The following FOCAD variants were observed in gnomAD, a reference collection of about 807,000 sequenced individuals.
FOCAD encodes the protein KIAA1797.
In FOCAD, 198 loss-of-function variants were observed where a neutral mutation model predicts 225.6. The observed-to-expected ratio is 0.88, with a 90% confidence interval of 0.78 to 0.99. The LOEUF (loss-of-function observed/expected upper bound fraction) is 0.99. Ranked by LOEUF, FOCAD falls within the 50% of genes least tolerant of loss-of-function variation. The probability of loss-of-function intolerance (pLI) is 0.00; values close to 1 mark genes in which losing one functional copy is unlikely to be tolerated. For missense variants in FOCAD, 2,713 were observed against 2,123.6 expected (o/e 1.28, Z -5.46); for synonymous variants, 897 against 755.0 (o/e 1.19, Z -3.08).
At chr9:20,670,286 A>C (rs938979141) in intron 2 of FOCAD, among the ~76,000 whole-genome samples, 1 of 152,250 alleles carries the variant, frequency 6.6e-6, no homozygotes, top group African/African-American at 2.4e-5. Flanking sequence ...CCTAATGATC[A>C]ATAAATCCTC....
intron 25 of FOCAD, among the ~76,000 whole-genome samples, chr9:20,925,239 G>A (rs1393997128): frequency 6.6e-6 from 1 of 152,132 alleles, no homozygotes; most frequent in Non-Finnish European, 1.5e-5. Flanking sequence ...TTTTAGCAGA[G>A]GCAACATGCT....
chr9:20,746,780 C>T (rs577533691), intron 5 of FOCAD, among the ~76,000 whole-genome samples: 3 of 152,048 alleles, frequency 2.0e-5, no homozygotes, highest in Non-Finnish European at 4.4e-5. Context: ...TGCCTTTTGC[C>T]GCCTTACTTT....
chr9:20,983,464 C>T (rs879920525), intron 39 of FOCAD, among the ~76,000 whole-genome samples: 2 of 150,136 alleles, frequency 1.3e-5, no homozygotes, highest in African/African-American at 2.5e-5. Flanking sequence ...CCCAGCTACT[C>T]GGGAGGCTGA....
At chr9:20,891,822 C>A (rs1442510636) in intron 21 of FOCAD, among the ~76,000 whole-genome samples, 2 of 152,200 alleles carry the variant, frequency 1.3e-5, no homozygotes, top group African/African-American at 4.8e-5. Flanking sequence ...CTAACCAACA[C>A]ATTTTCAATG....
intron 5 of FOCAD, among the ~76,000 whole-genome samples, chr9:20,757,462 G>C (rs911233644): frequency 6.6e-6 from 1 of 151,794 alleles, no homozygotes; most frequent in Non-Finnish European, 1.5e-5. Flanking sequence ...GTCTCTTTAG[G>C]TATCTTAATA....
chr9:20,795,800 A>AAC (rs1821022411), intron 11 of FOCAD, among the ~76,000 whole-genome samples: 1 of 151,110 alleles, frequency 6.6e-6, no homozygotes, highest in Non-Finnish European at 1.5e-5. Context: ...AAAAAAAAAA[A>AAC]AAAAAAAGAC....
At chr9:20,914,919 T>C (rs552680450) in intron 23 of FOCAD, among the ~76,000 whole-genome samples, 2 of 152,318 alleles carry the variant, frequency 1.3e-5, no homozygotes, top group East Asian at 1.9e-4. Flanking sequence ...TAAATTGATT[T>C]TGAATCTATT....
chr9:20,671,917 G>A (rs543285612), intron 2 of FOCAD, among the ~76,000 whole-genome samples: 1 of 151,976 alleles, frequency 6.6e-6, no homozygotes, highest in African/African-American at 2.4e-5. Flanking sequence ...AGGGACATCA[G>A]GTTCATAGTT....
chr9:20,873,729 A>G (rs1227233832), intron 18 of FOCAD: 1 of 152,144 alleles, frequency 6.6e-6, no homozygotes, highest in Non-Finnish European at 1.5e-5. Flanking sequence ...CCCCCCTGCA[A>G]GAATCCTGAG....
At position 20,980,801 on chromosome 9, in the gene FOCAD, A is replaced by ATT. The variant is rs1430411544; in HGVS notation, c.4378-621_4378-620dup. On this transcript the variant is annotated intron_variant, in intron 37 of 43. Transcript: ENST00000338382. ...TAGTAGCATGTTTATGTTCCTAAGA[A>ATT]TTTTTGAAGCCCACTTGGTTGAAGT... Among the ~76,000 whole-genome samples, 4 of 152,154 alleles carry ATT rather than the reference A, an allele frequency of 2.6e-5. No homozygotes were observed. In the East Asian group the frequency reaches 5.8e-4, roughly 22 times the overall value.
intron 11 of FOCAD, among the ~76,000 whole-genome samples, chr9:20,805,669 T>A (rs1461728896): frequency 6.6e-6 from 1 of 152,192 alleles, no homozygotes; most frequent in Non-Finnish European, 1.5e-5. Context: ...AATAAGCATA[T>A]AAATTCTGTT....
At chr9:20,680,093 A>T (rs1587202767), upstream of FOCAD, among the ~76,000 whole-genome samples, 1 of 152,242 alleles carries the variant, frequency 6.6e-6, no homozygotes, top group Non-Finnish European at 1.5e-5. Flanking sequence ...AATTGTAGCT[A>T]CATTCCTTCA....
At chr9:20,667,965 T>C (rs1821943758) in intron 2 of FOCAD, among the ~76,000 whole-genome samples, 1 of 152,124 alleles carries the variant, frequency 6.6e-6, no homozygotes, top group African/African-American at 2.4e-5. Context: ...CTAGAAAAGG[T>C]TTAAGCGTGT....
At chr9:20,936,914 A>G (rs1252585068) in intron 28 of FOCAD, among the ~76,000 whole-genome samples, 1 of 152,222 alleles carries the variant, frequency 6.6e-6, no homozygotes, top group Non-Finnish European at 1.5e-5. Flanking sequence ...AAAAATCACA[A>G]ACATTTTTAT....
chr9:20,969,911 C>G (rs1839614170), intron 35 of FOCAD, among the ~76,000 whole-genome samples: 1 of 151,216 alleles, frequency 6.6e-6, no homozygotes, highest in Non-Finnish European at 1.5e-5. Flanking sequence ...ACTCCCTCAA[C>G]TTTGTTTTTC....
At chr9:20,798,377 G>T (rs1415043485) in intron 11 of FOCAD, among the ~76,000 whole-genome samples, 1 of 152,106 alleles carries the variant, frequency 6.6e-6, no homozygotes, top group African/African-American at 2.4e-5. Flanking sequence ...GAGTTAGGGA[G>T]GATTCCCTCT....
At chr9:20,683,099 A>G (rs1348280175), upstream of FOCAD, among the ~76,000 whole-genome samples, 1 of 152,144 alleles carries the variant, frequency 6.6e-6, no homozygotes, top group African/African-American at 2.4e-5. Context: ...TAGAGGGTGA[A>G]TGCATAGTTG....
chr9:20,836,153 C>T (rs563334755), intron 15 of FOCAD, among the ~76,000 whole-genome samples: 16 of 152,156 alleles, frequency 1.1e-4, no homozygotes, highest in African/African-American at 3.9e-4. Context: ...CAATGGGACT[C>T]AGCAGGTTTG....
intron 18 of FOCAD, among the ~76,000 whole-genome samples, chr9:20,873,195 A>C: frequency 6.6e-6 from 1 of 151,404 alleles, no homozygotes; most frequent in South Asian, 2.1e-4. Flanking sequence ...TAGGAGTGAA[A>C]CTCCTAGGCC....
Sources: gnomAD v4.1 joint callset for allele counts (sites outside exome capture counted in the v4.1 genomes callset) on GRCh38, gnomAD v4.1.1 for gene constraint, MANE v1.5 for transcripts, NCBI Gene and HGNC (gene_info 2026-07-23, HGNC 2026-07-21) for gene names.